Variants in B4GALNT2 observed in about 807,000 individuals in gnomAD.
B4GALNT2 encodes N-acetylneuraminylgalactosylglucosyl-glucoside beta-1,4-N- acetylgalactosaminyltransferase 2.
B4GALNT2 carries 42 observed loss-of-function variants against 51.1 expected under a neutral mutation model. The ratio of observed to expected loss-of-function variants is 0.82; its 90% CI spans 0.64 to 1.06. The LOEUF (loss-of-function observed/expected upper bound fraction) is 1.06, where lower values mean the gene tolerates loss of function less well. Among genes scored for constraint, B4GALNT2 ranks in the 50% least tolerant of loss-of-function variants. B4GALNT2 has a pLI of 0.00. For missense variants in B4GALNT2, 602 were observed against 633.6 expected, an observed-to-expected ratio of 0.95 and a Z score of 0.54; for synonymous variants, 253 against 251.7, an observed-to-expected ratio of 1.01 and a Z score of -0.05.
chr17:49,155,916 A>G (rs112298316), intron 4 of B4GALNT2, among the ~76,000 whole-genome samples: 8 of 151,638 alleles, frequency 5.3e-5, no homozygotes, highest in Admixed American at 2.0e-4. Context: ...TTTAGTAGAG[A>G]CGAGGTTTCA....
At chr17:49,139,280 C>T (rs73336374) in intron 1 of B4GALNT2, among the ~76,000 whole-genome samples, 7,740 of 152,068 alleles carry the variant, frequency 0.051, 226 homozygotes, top group Non-Finnish European at 0.065. Flanking sequence ...CCTCTGACAC[C>T]GAGGCTGGAG....
intron 4 of B4GALNT2, among the ~76,000 whole-genome samples, chr17:49,153,507 A>AT (rs569207630): frequency 0.22 from 31,605 of 145,788 alleles, 4,339 homozygotes; most frequent in African/African-American, 0.39. Flanking sequence ...GCTTGATGTG[A>AT]TTTTTTTTTT....
Position 49,173,756 on chromosome 17 carries a change from A to G in B4GALNT2, c.*4028A>G, listed in dbSNP as rs2042971778. On this transcript the variant is annotated 3_prime_UTR_variant, in exon 11 of 11. Transcript: ENST00000393354. ...GTCCGTGAATTAGTATGTGGAAGAA[A>G]AAGCCGCTCTACAAGATCTTGCTCT... 1 of 152,218 alleles carries G rather than the reference A, an allele frequency of 6.6e-6. No homozygotes were observed. Among genetic ancestry groups the G allele is most frequent in the South Asian group, 2.1e-4 (1 of 4,832 alleles). 9.4% of individuals were successfully genotyped at this position (152,218 alleles called of 1,614,324 possible).
At chr17:49,125,241 C>T in the B4GALNT2 span, among the ~76,000 whole-genome samples, 3 of 152,144 alleles carry the variant, frequency 2.0e-5, no homozygotes, top group African/African-American at 7.2e-5. Flanking sequence ...CTCACTGCAA[C>T]CTCCACTTCC....
intron 7 of B4GALNT2, among the ~76,000 whole-genome samples, chr17:49,163,855 A>C (rs1235881043): frequency 2.6e-5 from 4 of 152,102 alleles, no homozygotes; most frequent in African/African-American, 9.7e-5. Flanking sequence ...CAGTTGGGAA[A>C]TGACATAGTG....
intron 1 of B4GALNT2, among the ~76,000 whole-genome samples, chr17:49,140,861 G>A (rs1204304004): frequency 6.6e-6 from 1 of 151,680 alleles, no homozygotes; most frequent in Admixed American, 6.6e-5. Context: ...TGGCACTACA[G>A]GCACACGCCA....
chr17:49,163,805 G>C (rs1373568990), intron 7 of B4GALNT2, among the ~76,000 whole-genome samples: 1 of 150,502 alleles, frequency 6.6e-6, no homozygotes, highest in Non-Finnish European at 1.5e-5. Context: ...TAAGCAAAGT[G>C]CTAACAGGCA....
Position 49,171,073 on chromosome 17 carries a change from A to G in B4GALNT2, c.*1345A>G, listed in dbSNP as rs963881331. ...TTTGGGCATCATGGCCATCATGAAC[A>G]TGTCACAGTACTGCAGAGATTTTGT... is the stretch of plus-strand genomic sequence containing the variant. On this transcript the variant is annotated 3_prime_UTR_variant, in exon 11 of 11. Transcript: ENST00000393354. 1 of 167,448 alleles carries G rather than the reference A, an allele frequency of 6.0e-6. No individual in the cohort carries two copies. Among genetic ancestry groups the G allele is most frequent in the Non-Finnish European group, 1.3e-5 (1 of 77,514 alleles). 10.4% of individuals were successfully genotyped at this position (167,448 alleles called of 1,614,324 possible).
chr17:49,129,297 A>T (rs541051113), upstream of B4GALNT2, among the ~76,000 whole-genome samples: 1 of 152,262 alleles, frequency 6.6e-6, no homozygotes, highest in South Asian at 2.1e-4. Context: ...CTGAGACCTG[A>T]GGGTTTTGAG....
Position 49,172,371 on chromosome 17 carries a change from G to C in B4GALNT2, c.*2643G>C, listed in dbSNP as rs2042962614. The C allele has an allele frequency of 6.4e-6, 1 of 156,816 alleles. No homozygotes were observed. Among genetic ancestry groups the C allele is most frequent in the Non-Finnish European group, 1.4e-5 (1 of 70,574 alleles). 9.7% of individuals were successfully genotyped at this position (156,816 alleles called of 1,614,324 possible). A position where few individuals can be genotyped will look rare whatever the true frequency, so the allele number is the denominator to read the frequency against. ...AACACAAGCATAACCTCTACCCCAA[G>C]TTATTATTTTACCTATTTCCCAACT... is the stretch of plus-strand genomic sequence containing the variant. On this transcript the variant is annotated 3_prime_UTR_variant, in exon 11 of 11. Coordinates refer to ENST00000393354, the MANE Select transcript of B4GALNT2 (RefSeq NM_001159387.2).
intron 9 of B4GALNT2, 108 bp downstream of exon 9, chr17:49,166,362 A>AG (rs2042911627): frequency 5.4e-5 from 1 of 18,466 alleles, no homozygotes; most frequent in East Asian, 9.2e-4. Context: ...GAGGGAGGGG[A>AG]GGGAGGGGAG....
intron 7 of B4GALNT2, among the ~76,000 whole-genome samples, chr17:49,162,986 C>T (rs1157052218): frequency 1.4e-5 from 2 of 147,242 alleles, no homozygotes; most frequent in East Asian, 2.1e-4. Flanking sequence ...TCTGTCCAAA[C>T]GACTTCTGAT....
At chr17:49,166,348 G>C in intron 9 of B4GALNT2, 94 bp downstream of exon 9, 1 of 860,364 alleles carries the variant, frequency 1.2e-6, no homozygotes, top group South Asian at 1.9e-5. Flanking sequence ...GAGAAGAGGA[G>C]GGGGAGGGAG....
chr17:49,139,905 CTT>C (rs796809426), intron 1 of B4GALNT2, among the ~76,000 whole-genome samples: 7 of 144,608 alleles, frequency 4.8e-5, no homozygotes, highest in Admixed American at 6.9e-5. Flanking sequence ...ACGTGGCCAA[CTT>C]TTTTTTTTTT....
intron 3 of B4GALNT2, among the ~76,000 whole-genome samples, chr17:49,146,880 G>T (rs376613778): frequency 6.6e-6 from 1 of 152,168 alleles, no homozygotes; most frequent in African/African-American, 2.4e-5. Context: ...TTCCCTGAAG[G>T]TTGGCACTGC....
chr17:49,131,639 T>A (rs1371464141), upstream of B4GALNT2, among the ~76,000 whole-genome samples: 1 of 152,022 alleles, frequency 6.6e-6, no homozygotes, highest in Admixed American at 6.6e-5. Flanking sequence ...GCCTCCCAAG[T>A]AGCTGGGATT....
In B4GALNT2 at chr17:49,174,583, C is replaced by G. The variant is rs1469611336; in HGVS notation, c.*4855C>G. On this transcript the variant is annotated 3_prime_UTR_variant, in exon 11 of 11. Coordinates refer to ENST00000393354, the MANE Select transcript of B4GALNT2 (RefSeq NM_001159387.2). ...TGGCTCTTAAGTCAGTTAACAGTCTCCATGTACCTGATTTTTTCTTAATTA... is the reference window on the plus strand; with the variant it reads ...TGGCTCTTAAGTCAGTTAACAGTCTGCATGTACCTGATTTTTTCTTAATTA... 6.6e-6 allele frequency: 1 copy of G among 152,180 alleles called. No homozygotes were observed. Among genetic ancestry groups the G allele is most frequent in the Non-Finnish European group, 1.5e-5 (1 of 68,030 alleles). The allele number at this position is 152,180 out of a possible 1,614,324, so 9.4% of individuals were successfully genotyped here.
intron 1 of B4GALNT2, chr17:49,133,249 G>C (rs1281848811): frequency 1.4e-6 from 2 of 1,465,908 alleles, no homozygotes; most frequent in African/African-American, 1.5e-5. Context: ...CGGGGACTGC[G>C]GGCTGTGGAC....
At chr17:49,159,260 A>G (rs373738918) in intron 6 of B4GALNT2, 43 bp downstream of exon 6, 11 of 1,585,356 alleles carry the variant, frequency 6.9e-6, no homozygotes, top group Non-Finnish European at 8.6e-6. Context: ...AGGGATCCAG[A>G]AGATACCTCT....
Sources: allele counts gnomAD v4.1 joint callset (sites outside exome capture counted in the v4.1 genomes callset), GRCh38; gene constraint gnomAD v4.1.1; transcripts MANE v1.5; gene names NCBI Gene and HGNC (gene_info 2026-07-23, HGNC 2026-07-21).